Variants in RPS6KA2 observed in about 807,000 individuals in gnomAD.
The protein encoded by RPS6KA2 is ribosomal protein S6 kinase A2.
RPS6KA2 carries 42 observed loss-of-function variants against 91.8 expected under a neutral mutation model. The observed-to-expected ratio is 0.46, with a 90% CI of 0.36 to 0.59. The LOEUF is 0.59. RPS6KA2 is among the 20% of genes least tolerant of loss of function. The pLI, the probability that RPS6KA2 is intolerant of heterozygous loss-of-function variation, is 0.00. For missense variants in RPS6KA2, 798 were observed against 978.5 expected (o/e 0.82, Z 2.46); for synonymous variants, 414 against 393.6 (o/e 1.05, Z -0.61).
chr6:166,451,086 C>T lies in RPS6KA2; in HGVS notation c.1206+17G>A, dbSNP rs777610754. The T allele has an allele frequency of 1.9e-6, 3 of 1,613,708 alleles. No individual in the cohort carries two copies. The Admixed American group carries it at 5.0e-5, about 27-fold the overall frequency. On this transcript the variant is annotated intron_variant, in intron 13 of 20. Transcript: ENST00000265678. ...GTGCCCTCTTACCCCCAACCCACTG[C>T]AGGCAAACACAGTTACCTGCACGAT... is the stretch of plus-strand genomic sequence containing the variant.
intron 2 of RPS6KA2, among the ~76,000 whole-genome samples, chr6:166,740,775 G>A (rs545446532): frequency 3.3e-5 from 5 of 152,310 alleles, no homozygotes; most frequent in Non-Finnish European, 2.9e-5. Flanking sequence ...CTGGCAATTC[G>A]CAAATGGGAA....
At chr6:166,805,653 G>C (rs1472647514) in intron 2 of RPS6KA2, among the ~76,000 whole-genome samples, 3 of 152,122 alleles carry the variant, frequency 2.0e-5, no homozygotes, top group African/African-American at 7.2e-5. Flanking sequence ...CAAATCCTGA[G>C]GAAGGAGAAT....
chr6:166,650,358 G>A (rs1344643882), intron 2 of RPS6KA2, among the ~76,000 whole-genome samples: 2 of 151,874 alleles, frequency 1.3e-5, no homozygotes, highest in Admixed American at 6.6e-5. Context: ...AGCAAGAAGA[G>A]GGGGCATTCT....
intron 2 of RPS6KA2, among the ~76,000 whole-genome samples, chr6:166,632,454 A>G (rs1292646515): frequency 6.6e-6 from 1 of 152,008 alleles, no homozygotes; most frequent in East Asian, 1.9e-4. Flanking sequence ...CTCTACTAAA[A>G]ATACAAAATT....
chr6:166,795,980 A>G (rs1343534322), intron 2 of RPS6KA2, among the ~76,000 whole-genome samples: 1 of 152,222 alleles, frequency 6.6e-6, no homozygotes. Context: ...AGGCACTATA[A>G]AGATTATTTT....
At chr6:166,540,945 G>T (rs3799639) in intron 1 of RPS6KA2, among the ~76,000 whole-genome samples, 106,345 of 152,114 alleles carry the variant, frequency 0.7, 37,804 homozygotes, top group East Asian at 0.89. Context: ...ATTGACCTAC[G>T]AAAGGAAGAA....
In RPS6KA2 at chr6:166,459,580, C is replaced by A. The variant is rs1488700106; in HGVS notation, c.973-29G>T. ...TTAATACAAGGAAAGCAAGACAGGG[C>A]ACTGAGGATGCACAGACATTGCCAC... On this transcript the variant is annotated intron_variant, in intron 11 of 20. Transcript: ENST00000265678. This position sits in a 1 kb window ranked among gnomAD's most constrained non-coding sequence, Gnocchi z 4.9. The A allele has an allele frequency of 6.6e-7, 1 of 1,525,994 alleles. No homozygotes were observed. The highest frequency in any genetic ancestry group is 9.1e-7 in the Non-Finnish European group (1 of 1,101,898). 94.5% of individuals were successfully genotyped at this position (1,525,994 alleles called of 1,614,324 possible).
chr6:166,712,774 C>A (rs112189603), intron 2 of RPS6KA2, among the ~76,000 whole-genome samples: 1 of 152,200 alleles, frequency 6.6e-6, no homozygotes, highest in Non-Finnish European at 1.5e-5. Flanking sequence ...GCCTTCCCGG[C>A]GCCCCCTTCT....
intron 1 of RPS6KA2, among the ~76,000 whole-genome samples, chr6:166,601,045 T>TA (rs772469281): frequency 2.0e-5 from 3 of 152,032 alleles, no homozygotes; most frequent in Admixed American, 6.6e-5. Flanking sequence ...TTAGAAGTGT[T>TA]AAAAAAAGAA....
intron 2 of RPS6KA2, among the ~76,000 whole-genome samples, chr6:166,634,055 G>A (rs1787162017): frequency 6.6e-6 from 1 of 152,192 alleles, no homozygotes; most frequent in African/African-American, 2.4e-5. Context: ...CTCAGGGCGT[G>A]GGGTCAGGCA....
Position 166,432,509 on chromosome 6 carries a change from A to G in RPS6KA2, c.1333-19T>C. ...CAATGATCTGGAACAAACACAGCACATGGCAGTGAGGGGTCTACTTTAGGC... is the reference window on the plus strand; with the variant it reads ...CAATGATCTGGAACAAACACAGCACGTGGCAGTGAGGGGTCTACTTTAGGC... On this transcript the variant is annotated intron_variant, in intron 14 of 20. Coordinates refer to ENST00000265678, the MANE Select transcript of RPS6KA2 (RefSeq NM_021135.6). The G allele has an allele frequency of 1.3e-6, 2 of 1,536,694 alleles. No individual in the cohort carries two copies. The highest frequency in any genetic ancestry group is 1.8e-6 in the Non-Finnish European group (2 of 1,110,340).
intron 2 of RPS6KA2, among the ~76,000 whole-genome samples, chr6:166,640,842 C>T (rs568572474): frequency 6.6e-6 from 1 of 152,170 alleles, no homozygotes; most frequent in Admixed American, 6.5e-5. Context: ...AGTCGGCATT[C>T]CCATAGAGCA....
intron 10 of RPS6KA2, among the ~76,000 whole-genome samples, chr6:166,477,858 T>A (rs7766197): frequency 6.6e-6 from 1 of 151,876 alleles, no homozygotes; most frequent in Admixed American, 6.6e-5. Flanking sequence ...CTGAAGTGAG[T>A]CATGATTGCA....
At chr6:166,663,699 T>C (rs987080516) in intron 2 of RPS6KA2, among the ~76,000 whole-genome samples, 1 of 151,968 alleles carries the variant, frequency 6.6e-6, no homozygotes, top group Non-Finnish European at 1.5e-5. Context: ...CCCCACCCTA[T>C]CCCGGAAGGG....
intron 15 of RPS6KA2, among the ~76,000 whole-genome samples, chr6:166,431,422 T>C (rs1224138561): frequency 5.7e-4 from 86 of 152,210 alleles, no homozygotes; most frequent in Admixed American, 5.6e-3. Context: ...TTTCCCATGA[T>C]GTCTGTGCTG....
chr6:166,510,574 T>TC (rs1782437311), intron 3 of RPS6KA2, among the ~76,000 whole-genome samples: 1 of 33,356 alleles, frequency 3.0e-5, no homozygotes, highest in Non-Finnish European at 6.0e-5. Context: ...TATATATATA[T>TC]ATATATATAT....
At chr6:166,837,703 G>A (rs187284079) in intron 2 of RPS6KA2, among the ~76,000 whole-genome samples, 127 of 152,158 alleles carry the variant, frequency 8.3e-4, no homozygotes, top group African/African-American at 2.8e-3. Flanking sequence ...TGCCCCTCCC[G>A]GGCTCCCCAC....
At position 166,821,661 on chromosome 6, in the gene RPS6KA2, C is replaced by T. The variant is rs1475208813; in HGVS notation, c.123+36539G>A. 6.6e-6 allele frequency among the ~76,000 whole-genome samples: 1 copy of T among 152,004 alleles called. No homozygotes were observed. Among genetic ancestry groups the T allele is most frequent in the Non-Finnish European group, 1.5e-5 (1 of 67,994 alleles). On this transcript the variant is annotated intron_variant, in intron 2 of 21. Transcript: ENST00000503859. This position sits in a 1 kb window ranked among gnomAD's most constrained non-coding sequence, Gnocchi z 4.1. ...TATTGCTGTGCCCCAGATTTCCACT[C>T]GGAGCCCTCATCCCTTCATAATCTG... is the stretch of plus-strand genomic sequence containing the variant.
chr6:166,470,935 C>T (rs1041055230), intron 10 of RPS6KA2, among the ~76,000 whole-genome samples: 6 of 152,198 alleles, frequency 3.9e-5, no homozygotes, highest in African/African-American at 1.4e-4. Flanking sequence ...CCCATCCTCC[C>T]GGGTCACGAA....
Sources: gnomAD v4.1 joint callset for allele counts (sites outside exome capture counted in the v4.1 genomes callset) on GRCh38, gnomAD v4.1.1 for gene constraint, Gnocchi (gnomAD v3.1) non-coding constraint, MANE v1.5 for transcripts, NCBI Gene and HGNC (gene_info 2026-07-23, HGNC 2026-07-21) for gene names.